Variants in BTBD8 observed in about 807,000 individuals in gnomAD.
The protein encoded by BTBD8 is BTB/POZ domain-containing protein 8.
A neutral mutation model predicts 162.9 loss-of-function variants in BTBD8; 110 were observed. The ratio of observed to expected loss-of-function variants is 0.68; its 90% CI spans 0.58 to 0.79. The LOEUF is 0.79. Ranked by LOEUF, BTBD8 falls within the 30% of genes least tolerant of loss-of-function variation. The pLI is 0.00. For synonymous variants in BTBD8, 667 were observed against 716.1 expected (o/e 0.93, Z 1.10); for missense variants, 1,905 against 2,085.4 (o/e 0.91, Z 1.68).
intron 12 of BTBD8, 39 bp from the exon 13 acceptor site, chr1:92,171,360 A>G: frequency 1.4e-6 from 2 of 1,441,762 alleles, no homozygotes; most frequent in Non-Finnish European, 1.9e-6. Context: ...GGTAATAATA[A>G]TGTTCCTTAT....
chr1:92,129,602 C>T, intron 4 of BTBD8, 85 bp from the exon 5 acceptor site: 1 of 1,029,304 alleles, frequency 9.7e-7, no homozygotes, highest in Non-Finnish European at 1.5e-6. Context: ...TGTTTTAATA[C>T]ATAAAGATGA....
At chr1:92,162,177 A>G (rs969698271) in intron 9 of BTBD8, among the ~76,000 whole-genome samples, 4 of 152,250 alleles carry the variant, frequency 2.6e-5, no homozygotes, top group African/African-American at 9.6e-5. Context: ...CTATTGCTGC[A>G]GCATCTAGCT....
chr1:92,181,354 A>G lies in BTBD8; in HGVS notation c.3671A>G (p.His1224Arg). Reference sequence around the variant, plus strand: ...GAAACATCAGAATCTCCAGAGAGCCATGAAACTCCAGAAACTCCATTTGTG... The same window carrying G: ...GAAACATCAGAATCTCCAGAGAGCCGTGAAACTCCAGAAACTCCATTTGTG... ...NMETSESPES[H>R]ETPETPFVGH... is the part of the protein sequence containing the mutation. The change falls in exon 17 of 18, where the codon CAT becomes CGT. Residue 1224 changes from histidine (H) to arginine (R), a missense_variant. His to Arg is a conservative substitution (Grantham distance 29). Around this residue, in one of 3 missense-constraint regions of BTBD8, gnomAD observed 1,374 missense variants for 1,442.7 expected, o/e 0.95. Coordinates refer to ENST00000636805, the MANE Select transcript of BTBD8 (RefSeq NM_001376131.1). The G allele has an allele frequency of 1.9e-6, 3 of 1,551,704 alleles. No homozygotes were observed. Among genetic ancestry groups the G allele is most frequent in the Non-Finnish European group, 2.6e-6 (3 of 1,146,976 alleles).
chr1:92,158,168 A>G (rs940484977), intron 9 of BTBD8, among the ~76,000 whole-genome samples: 4 of 151,876 alleles, frequency 2.6e-5, no homozygotes, highest in Non-Finnish European at 4.4e-5. Context: ...ATATCATTGG[A>G]TCTTGTTTTT....
intron 4 of BTBD8, among the ~76,000 whole-genome samples, chr1:92,109,792 T>C (rs1040779910): frequency 6.6e-6 from 1 of 152,228 alleles, no homozygotes; most frequent in Admixed American, 6.5e-5. Flanking sequence ...ATTGGAACTT[T>C]CTCAATTACT....
rs267598767 is a variant in BTBD8, at chr1:92,129,690, C to T, written c.666C>T (p.Ala222=). The change falls in exon 5 of 18, where the codon GCC becomes GCT. Residue 222 remains alanine (A), a synonymous_variant. Transcript: ENST00000636805. The part of the protein sequence containing the change: ...VDGKRFKAHR[A]ILSARSSYFA... ...TTCTCCCCCCTCTTCCCTTTAGGGCCATTTTGAGTGCCAGATCTAGTTATT... is the reference window on the plus strand; with the variant it reads ...TTCTCCCCCCTCTTCCCTTTAGGGCTATTTTGAGTGCCAGATCTAGTTATT... 6.2e-7 allele frequency: 1 copy of T among 1,613,456 alleles called. No individual in the cohort carries two copies. Among genetic ancestry groups the T allele is most frequent in the Non-Finnish European group, 8.5e-7 (1 of 1,179,526 alleles).
chr1:92,171,642 T>A (rs1198877811), intron 13 of BTBD8, among the ~76,000 whole-genome samples, 182 bp downstream of exon 13: 1 of 152,266 alleles, frequency 6.6e-6, no homozygotes, highest in Non-Finnish European at 1.5e-5. Flanking sequence ...GTGAATTTTT[T>A]ATATCCAGTT....
At chr1:92,091,074 C>T (rs1215402176) in intron 2 of BTBD8, among the ~76,000 whole-genome samples, 2 of 152,146 alleles carry the variant, frequency 1.3e-5, no homozygotes, top group African/African-American at 4.8e-5. Context: ...ATTTGTGTCT[C>T]CACCCAAATC....
chr1:92,093,302 C>T (rs1006416366), intron 2 of BTBD8, among the ~76,000 whole-genome samples: 1 of 149,918 alleles, frequency 6.7e-6, no homozygotes, highest in African/African-American at 2.5e-5. Context: ...AAGCAATTCT[C>T]CAGCCTCAGC....
intron 5 of BTBD8, 80 bp from the exon 6 acceptor site, chr1:92,139,270 G>A (rs1296359635): frequency 5.7e-5 from 83 of 1,446,118 alleles, no homozygotes; most frequent in Non-Finnish European, 1.6e-5. Flanking sequence ...ATCTTGGCTC[G>A]AAGTTTATGG....
chr1:92,088,979 T>G, intron 2 of BTBD8, 84 bp downstream of exon 2: 1 of 1,234,256 alleles, frequency 8.1e-7, no homozygotes, highest in Non-Finnish European at 1.1e-6. Context: ...TATTTTCATA[T>G]GTATTTTGTA....
At chr1:92,144,190 T>C (rs1239142023) in intron 7 of BTBD8, among the ~76,000 whole-genome samples, 1 of 151,740 alleles carries the variant, frequency 6.6e-6, no homozygotes, top group Non-Finnish European at 1.5e-5. Context: ...GTCAGGCTGG[T>C]CTCTAACTCC....
chr1:92,155,725 A>C (rs571118841), intron 9 of BTBD8, among the ~76,000 whole-genome samples: 7 of 152,216 alleles, frequency 4.6e-5, no homozygotes, highest in African/African-American at 1.7e-4. Flanking sequence ...TTGTTTTTCT[A>C]ATTTCCTTTT....
chr1:92,093,666 G>A (rs1224944122), intron 2 of BTBD8, among the ~76,000 whole-genome samples: 1 of 152,182 alleles, frequency 6.6e-6, no homozygotes, highest in African/African-American at 2.4e-5. Flanking sequence ...TTATAGTGGT[G>A]TTGTGAGGGT....
intron 1 of BTBD8, among the ~76,000 whole-genome samples, chr1:92,082,244 T>C (rs1648038442): frequency 6.6e-6 from 1 of 152,040 alleles, no homozygotes; most frequent in Admixed American, 6.5e-5. Flanking sequence ...CAAAACAAAA[T>C]GCTCACCCAA....
intron 2 of BTBD8, among the ~76,000 whole-genome samples, chr1:92,101,474 C>T (rs900613227): frequency 2.6e-5 from 4 of 152,166 alleles, no homozygotes; most frequent in East Asian, 1.9e-4. Context: ...TGACAGCTCC[C>T]GCAGGCACAC....
At chr1:92,088,139 A>G (rs963718404) in intron 1 of BTBD8, among the ~76,000 whole-genome samples, 1 of 152,184 alleles carries the variant, frequency 6.6e-6, no homozygotes, top group Non-Finnish European at 1.5e-5. Context: ...AAAAGAGAGT[A>G]AATGTCACAT....
intron 1 of BTBD8, among the ~76,000 whole-genome samples, chr1:92,083,883 A>G (rs1326594747): frequency 6.6e-6 from 1 of 152,196 alleles, no homozygotes; most frequent in Non-Finnish European, 1.5e-5. Flanking sequence ...ATCTTAGGAC[A>G]TTTGAAAGGG....
At chr1:92,129,830 C>T in intron 5 of BTBD8, 54 bp downstream of exon 5, 23 of 1,421,494 alleles carry the variant, frequency 1.6e-5, no homozygotes, top group Non-Finnish European at 2.3e-5. Flanking sequence ...AATTGTATTT[C>T]ATACAAAGCA....
Sources: allele counts gnomAD v4.1 joint callset (sites outside exome capture counted in the v4.1 genomes callset), GRCh38; gene constraint gnomAD v4.1.1; regional missense constraint gnomAD v4.1.1; transcripts MANE v1.5; gene names NCBI Gene and HGNC (gene_info 2026-07-23, HGNC 2026-07-21).